The following SSH2 variants were observed in gnomAD, a reference collection of about 807,000 sequenced individuals.
SSH2 encodes the protein protein phosphatase Slingshot homolog 2.
SSH2 carries 37 observed loss-of-function variants against 135.2 expected under a neutral mutation model. The ratio of observed to expected loss-of-function variants is 0.27; its 90% CI spans 0.21 to 0.36. The LOEUF is 0.36. Among genes scored for constraint, SSH2 ranks in the 10% least tolerant of loss-of-function variants. SSH2 has a pLI of 1.00. For synonymous variants in SSH2, 628 were observed against 646.2 expected, an observed-to-expected ratio of 0.97 and a Z score of 0.43; for missense variants, 1,408 against 1,765.3, an observed-to-expected ratio of 0.80 and a Z score of 3.63.
At chr17:29,668,807 C>G (rs1288341089) in intron 9 of SSH2, among the ~76,000 whole-genome samples, 1 of 152,154 alleles carries the variant, frequency 6.6e-6, no homozygotes, top group Non-Finnish European at 1.5e-5. Flanking sequence ...AGTTCCTAAG[C>G]AATTTTCCCC....
intron 3 of SSH2, among the ~76,000 whole-genome samples, chr17:29,728,042 G>T (rs1017719773): frequency 6.6e-6 from 1 of 152,020 alleles, no homozygotes; most frequent in South Asian, 2.1e-4. Flanking sequence ...TTAGCTGGGC[G>T]TGGTCTCAAA....
intron 3 of SSH2, among the ~76,000 whole-genome samples, chr17:29,725,657 C>G (rs547964849): frequency 2.6e-5 from 4 of 152,272 alleles, no homozygotes; most frequent in African/African-American, 9.6e-5. Flanking sequence ...AACAGAAAAC[C>G]AAACACTGCA....
At chr17:29,741,611 CTTTT>C (rs6146027) in intron 3 of SSH2, among the ~76,000 whole-genome samples, 1 of 140,812 alleles carries the variant, frequency 7.1e-6, no homozygotes. Flanking sequence ...AATCCCCCTC[CTTTT>C]TTTTTTTTTT....
chr17:29,654,771 T>TA (rs1433967627), intron 12 of SSH2, among the ~76,000 whole-genome samples: 2 of 152,194 alleles, frequency 1.3e-5, no homozygotes, highest in African/African-American at 2.4e-5. Flanking sequence ...TTTCTTAATA[T>TA]AAGATAGGTC....
At chr17:29,876,039 T>C (rs567782907) in intron 1 of SSH2, among the ~76,000 whole-genome samples, 8 of 133,560 alleles carry the variant, frequency 6.0e-5, no homozygotes, top group African/African-American at 2.0e-4. Context: ...GAAGAATCAA[T>C]ACTGTGAAAA....
chr17:29,880,414 T>A (rs528050494), intron 1 of SSH2, among the ~76,000 whole-genome samples: 2 of 152,342 alleles, frequency 1.3e-5, no homozygotes, highest in South Asian at 4.1e-4. Context: ...GTGCTGGGAT[T>A]ACAGGCACAA....
At chr17:29,754,528 TAA>T (rs2041053550) in intron 3 of SSH2, among the ~76,000 whole-genome samples, 1 of 152,126 alleles carries the variant, frequency 6.6e-6, no homozygotes, top group South Asian at 2.1e-4. Flanking sequence ...ACCAAGTAAA[TAA>T]ATAAAAATAT....
intron 4 of SSH2, among the ~76,000 whole-genome samples, chr17:29,701,234 G>A (rs2038965105): frequency 1.3e-5 from 2 of 152,046 alleles, no homozygotes; most frequent in East Asian, 1.9e-4. Flanking sequence ...GCCTCCCAAA[G>A]TGCCGGGATT....
chr17:29,672,802 C>T (rs912190520), intron 8 of SSH2, among the ~76,000 whole-genome samples: 2 of 152,154 alleles, frequency 1.3e-5, no homozygotes, highest in African/African-American at 4.8e-5. Context: ...CTCCTGGGTT[C>T]AAGTGATTCT....
intron 3 of SSH2, among the ~76,000 whole-genome samples, chr17:29,779,643 C>A (rs1313680458): frequency 6.7e-6 from 1 of 149,092 alleles, no homozygotes; most frequent in Non-Finnish European, 1.5e-5. Context: ...ACAGATGAAA[C>A]CCTGACTCTA....
chr17:29,777,533 A>T (rs1232886515), intron 3 of SSH2: 3 of 152,226 alleles, frequency 2.0e-5, no homozygotes, highest in African/African-American at 4.8e-5. Context: ...TACATTCATT[A>T]TACAAAGAAT....
intron 1 of SSH2, among the ~76,000 whole-genome samples, chr17:29,890,312 T>A (rs1035423465): frequency 6.6e-6 from 1 of 152,170 alleles, no homozygotes; most frequent in East Asian, 1.9e-4. Context: ...CCTAGGTATA[T>A]GCCCAAGAGA....
At chr17:29,857,440 G>A (rs1352337038) in intron 1 of SSH2, among the ~76,000 whole-genome samples, 3 of 152,034 alleles carry the variant, frequency 2.0e-5, no homozygotes, top group South Asian at 2.1e-4. Context: ...TCTACAACAC[G>A]TGGGAATTCA....
chr17:29,738,550 A>ATTTTCT lies in SSH2; in HGVS notation c.189-35489_189-35488insAGAAAA, dbSNP rs1567933036. On this transcript the variant is annotated intron_variant, in intron 3 of 15. Transcript: ENST00000540801. ...TTAATTTTCTTTTTTTTTCTTTTTT[A>ATTTTCT]TTTTATTTTATTTTTTTTTTTGAGA... is the stretch of plus-strand genomic sequence containing the variant. 5.1e-5 allele frequency among the ~76,000 whole-genome samples: 7 copies of ATTTTCT among 137,370 alleles called. 1 individual carries two copies. Among genetic ancestry groups the ATTTTCT allele is most frequent in the African/African-American group, 2.7e-5 (1 of 37,434 alleles). 90.1% of individuals were successfully genotyped at this position (137,370 alleles called of 152,430 possible).
At chr17:29,794,020 A>G in intron 2 of SSH2, 83 bp from the exon 3 acceptor site, 1 of 1,093,676 alleles carries the variant, frequency 9.1e-7, no homozygotes, top group African/African-American at 1.6e-5. Context: ...ACTAAGTTTC[A>G]CATGTTGTGT....
At chr17:29,800,615 C>A (rs949193037) in intron 2 of SSH2, among the ~76,000 whole-genome samples, 1 of 151,480 alleles carries the variant, frequency 6.6e-6, no homozygotes, top group African/African-American at 2.4e-5. Flanking sequence ...ACGAGAATAT[C>A]TAAATTAAAT....
intron 3 of SSH2, chr17:29,761,359 C>T (rs2041295079): frequency 1.9e-6 from 2 of 1,065,974 alleles, no homozygotes; most frequent in Middle Eastern, 4.6e-4. Context: ...GTGCACCCGG[C>T]GGCGGAGGCG....
intron 8 of SSH2, among the ~76,000 whole-genome samples, chr17:29,675,186 C>T (rs2037654099): frequency 6.6e-6 from 1 of 152,164 alleles, no homozygotes; most frequent in African/African-American, 2.4e-5. Flanking sequence ...AAACACATGA[C>T]CTGAAACTGT....
intron 8 of SSH2, chr17:29,674,229 T>C: frequency 2.2e-6 from 1 of 451,580 alleles, no homozygotes. Context: ...AGTCCATTTT[T>C]ATTAGGAAAA....
Sources: gnomAD v4.1 joint callset for allele counts (sites outside exome capture counted in the v4.1 genomes callset) on GRCh38, gnomAD v4.1.1 for gene constraint, MANE v1.5 for transcripts, NCBI Gene and HGNC (gene_info 2026-07-23, HGNC 2026-07-21) for gene names.